Variants in PADI2 observed in about 807,000 individuals in gnomAD.
PADI2 encodes the protein peptidyl arginine deiminase 2.
In PADI2, 70 loss-of-function variants were observed where a neutral mutation model predicts 81.1. The ratio of observed to expected loss-of-function variants is 0.86; its 90% CI spans 0.71 to 1.05. The LOEUF (loss-of-function observed/expected upper bound fraction) is 1.05, where lower values mean the gene tolerates loss of function less well. PADI2 is among the 50% of genes least tolerant of loss of function. The pLI is 0.00. For synonymous variants in PADI2, 338 were observed against 358.0 expected (o/e 0.94, Z 0.63); for missense variants, 853 against 889.9 (o/e 0.96, Z 0.53).
chr1:17,070,057 G>A (rs778761244), intron 15 of PADI2, 31 bp downstream of exon 15: 22 of 1,608,024 alleles, frequency 1.4e-5, no homozygotes, highest in Non-Finnish European at 1.8e-5. Context: ...GTACTGGCAT[G>A]GGGCGAGGGT....
chr1:17,075,757 G>A lies in PADI2; in HGVS notation c.1377C>T (p.Pro459=), dbSNP rs776064972. The change falls in exon 12 of 16, where the codon CCC becomes CCT. Residue 459 remains proline (P), a synonymous_variant. Transcript: ENST00000375486. ...TCAGCCAGTCTGAGTAGAGCTCCAC[G>A]GGCGCCTGCACCTGCTGGGCCTTCA... ...DFLKAQQVQA[P]VELYSDWLTV... is the part of the protein sequence containing the mutation. 8 of 1,613,776 alleles carry A rather than the reference G, an allele frequency of 5.0e-6. No individual in the cohort carries two copies. In the East Asian group the frequency reaches 6.7e-5, roughly 13 times the overall value.
chr1:17,086,382 G>C (rs897274476), intron 7 of PADI2, 139 bp downstream of exon 7: 28 of 637,518 alleles, frequency 4.4e-5, no homozygotes, highest in Middle Eastern at 4.3e-4. Context: ...TTGCTGGGGG[G>C]CATCGAGGTC....
At chr1:17,073,376 C>G (rs1231297239) in intron 13 of PADI2, among the ~76,000 whole-genome samples, 1 of 145,662 alleles carries the variant, frequency 6.9e-6, no homozygotes, top group African/African-American at 2.6e-5. Flanking sequence ...GAGATGGCAC[C>G]ACTGCACTCC....
intron 11 of PADI2, among the ~76,000 whole-genome samples, chr1:17,076,972 T>A (rs987905400): frequency 6.6e-6 from 1 of 152,160 alleles, no homozygotes; most frequent in East Asian, 1.9e-4. Context: ...CAAATTCCTT[T>A]CTGATCTGGC....
Position 17,118,367 on chromosome 1 carries a change from G to C in PADI2, c.92+913C>G, listed in dbSNP as rs562206958. 2.0e-5 allele frequency among the ~76,000 whole-genome samples: 3 copies of C among 152,140 alleles called. No individual in the cohort carries two copies. In the East Asian group the frequency reaches 5.8e-4, roughly 29 times the overall value. ...GGTTTTAAATGCTTGGAATAGAGGG[G>C]GCAGATCAAACCCCAGCATAACCCC... On this transcript the variant is annotated intron_variant, in intron 1 of 15. Transcript: ENST00000375486.
chr1:17,092,278 C>G (rs999309224), intron 6 of PADI2, 130 bp downstream of exon 6: 2 of 646,192 alleles, frequency 3.1e-6, no homozygotes. Flanking sequence ...ACAGCATTGC[C>G]ATGTTACAAT....
chr1:17,084,654 C>A lies in PADI2; in HGVS notation c.883G>T (p.Ala295Ser), dbSNP rs764855520. ...ATGTTGGGGGTCATGATCCACGGAGCAATCCGGAATATCACGGTGTCCGTG... is the reference window on the plus strand; with the variant it reads ...ATGTTGGGGGTCATGATCCACGGAGAAATCCGGAATATCACGGTGTCCGTG... ...IFTDTVIFRIAPWIMTPNILP... is the reference protein window; with the variant it reads ...IFTDTVIFRISPWIMTPNILP... Residue 295 changes from alanine to serine, a missense_variant, in exon 8 of 16, where the codon GCT becomes TCT. Physicochemically the swap from Ala to Ser is moderately conservative, Grantham distance 99 (BLOSUM62 1). Transcript: ENST00000375486. 7 of 1,576,478 alleles carry A rather than the reference C, an allele frequency of 4.4e-6. No homozygotes were observed. The highest frequency in any genetic ancestry group is 6.0e-6 in the Non-Finnish European group (7 of 1,161,072).
chr1:17,092,974 GA>G (rs1278361516), intron 5 of PADI2, among the ~76,000 whole-genome samples: 242 of 148,244 alleles, frequency 1.6e-3, no homozygotes, highest in Non-Finnish European at 3.2e-3. Flanking sequence ...GAAAAAAAAA[GA>G]AAAAGAAAAA....
chr1:17,083,149 A>G, intron 9 of PADI2: 1 of 157,472 alleles, frequency 6.4e-6, no homozygotes, highest in Non-Finnish European at 1.4e-5. Flanking sequence ...CTGGGATTAC[A>G]GGTATTATCC....
rs771864843 is a variant in PADI2 at position 17,068,996 on chromosome 1, G to A, written c.*48C>T. ...AGAAGGCTCTGGGCGTGTGAGGGAG[G>A]GTCTGGAGAACTAAGCGAAGGAGGC... On this transcript the variant is annotated 3_prime_UTR_variant, in exon 16 of 16. Coordinates refer to ENST00000375486, the MANE Select transcript of PADI2 (RefSeq NM_007365.3). The A allele has an allele frequency of 2.2e-6, 3 of 1,349,660 alleles. No homozygotes were observed. Among genetic ancestry groups the A allele is most frequent in the Non-Finnish European group, 3.2e-6 (3 of 938,832 alleles). The allele number at this position is 1,349,660 out of a possible 1,614,324, so 83.6% of individuals were successfully genotyped here. A position where few individuals can be genotyped will look rare whatever the true frequency, so the allele number is the denominator to read the frequency against.
intron 13 of PADI2, among the ~76,000 whole-genome samples, chr1:17,072,936 C>T (rs116090776): frequency 3.3e-5 from 5 of 152,176 alleles, no homozygotes; most frequent in African/African-American, 4.8e-5. Flanking sequence ...AACTTCCCAT[C>T]AGTGGGGAAT....
intron 3 of PADI2, among the ~76,000 whole-genome samples, chr1:17,102,755 G>GGA (rs1553183551): frequency 2.0e-5 from 3 of 151,468 alleles, no homozygotes; most frequent in South Asian, 2.1e-4. Flanking sequence ...GACACTTGGG[G>GGA]GGGGGTTGCT....
Position 17,069,245 on chromosome 1 carries a change from G to A in PADI2, c.1797C>T (p.Gly599=), listed in dbSNP as rs375564943. Reference sequence around the variant, plus strand: ...CCTGTGGCCCGAATGGCTTGGGGATGCCCAGGTCCTTGTCCAGCACGATCA... The same window carrying A: ...CCTGTGGCCCGAATGGCTTGGGGATACCCAGGTCCTTGTCCAGCACGATCA... The part of the protein sequence containing the change: ...VNMIVLDKDL[G]IPKPFGPQVE... The change falls in exon 16 of 16, where the codon GGC becomes GGT. Residue 599 remains glycine, a synonymous_variant. Coordinates refer to ENST00000375486, the MANE Select transcript of PADI2 (RefSeq NM_007365.3). The A allele has an allele frequency of 2.5e-6, 4 of 1,614,104 alleles. No individual in the cohort carries two copies. The highest frequency in any genetic ancestry group is 3.4e-6 in the Non-Finnish European group (4 of 1,180,026).
chr1:17,105,114 A>C (rs1208207476), intron 1 of PADI2, 53 bp from the exon 2 acceptor site: 1 of 1,289,796 alleles, frequency 7.8e-7, no homozygotes, highest in East Asian at 2.6e-5. Flanking sequence ...AGGTGGGATG[A>C]GGGGCTTCAA....
intron 1 of PADI2, among the ~76,000 whole-genome samples, chr1:17,110,813 C>A (rs1931550684): frequency 6.6e-6 from 1 of 152,318 alleles, no homozygotes; most frequent in African/African-American, 2.4e-5. Context: ...CAGTTACTGG[C>A]CCTTTTGGCA....
chr1:17,084,564 C>T, intron 8 of PADI2, 35 bp downstream of exon 8: 1 of 1,404,502 alleles, frequency 7.1e-7, no homozygotes, highest in Admixed American at 2.0e-5. Flanking sequence ...GGCCACTCTG[C>T]CACGCTGCCT....
chr1:17,084,294 G>A (rs549289232), intron 8 of PADI2, among the ~76,000 whole-genome samples: 94 of 152,378 alleles, frequency 6.2e-4, no homozygotes, highest in South Asian at 1.2e-3. Flanking sequence ...TGAGTCAGAT[G>A]AGCTGCATTT....
chr1:17,069,519 G>A (rs983253057), intron 15 of PADI2, among the ~76,000 whole-genome samples: 3 of 152,212 alleles, frequency 2.0e-5, no homozygotes, highest in Admixed American at 6.5e-5. Flanking sequence ...GTATGTATAT[G>A]TGGCTATATA....
Position 17,069,004 on chromosome 1 carries a change from G to T in PADI2, c.*40C>A. 7.0e-7 allele frequency: 1 copy of T among 1,437,084 alleles called. No individual in the cohort carries two copies. The highest frequency in any genetic ancestry group is 1.1e-5 in the South Asian group (1 of 87,442). 89.0% of individuals were successfully genotyped at this position (1,437,084 alleles called of 1,614,324 possible). On this transcript the variant is annotated 3_prime_UTR_variant, in exon 16 of 16. Coordinates refer to ENST00000375486, the MANE Select transcript of PADI2 (RefSeq NM_007365.3). The stretch of plus-strand genomic sequence containing the variant: ...CTGGGCGTGTGAGGGAGGGTCTGGA[G>T]AACTAAGCGAAGGAGGCAAACGCCA...
Sources: gnomAD v4.1 joint callset for allele counts (sites outside exome capture counted in the v4.1 genomes callset) on GRCh38, gnomAD v4.1.1 for gene constraint, MANE v1.5 for transcripts, NCBI Gene and HGNC (gene_info 2026-07-23, HGNC 2026-07-21) for gene names.